The following NAALADL2 variants were observed in gnomAD, a reference collection of about 807,000 sequenced individuals.
NAALADL2 encodes the protein inactive N-acetylated-alpha-linked acidic dipeptidase-like protein 2.
A neutral mutation model predicts 87.2 loss-of-function variants in NAALADL2; 76 were observed. The ratio of observed to expected loss-of-function variants is 0.87; its 90% CI spans 0.72 to 1.05. NAALADL2 has a LOEUF of 1.05. Among genes scored for constraint, NAALADL2 ranks in the 50% least tolerant of loss-of-function variants. NAALADL2 has a pLI of 0.00. For missense variants in NAALADL2, 1,089 were observed against 945.8 expected, an observed-to-expected ratio of 1.15 and a Z score of -1.99; for synonymous variants, 354 against 331.0, an observed-to-expected ratio of 1.07 and a Z score of -0.75.
At chr3:174,999,514 C>T (rs1747951792) in intron 1 of NAALADL2, among the ~76,000 whole-genome samples, 1 of 152,090 alleles carries the variant, frequency 6.6e-6, no homozygotes, top group Non-Finnish European at 1.5e-5. Context: ...TTCATAAATC[C>T]ATCAGTTATT....
At chr3:174,755,127 A>G (rs960231288) in intron 3 of NAALADL2, among the ~76,000 whole-genome samples, 3 of 152,128 alleles carry the variant, frequency 2.0e-5, no homozygotes, top group African/African-American at 7.2e-5. Context: ...ATAGTGAGTG[A>G]ATTCTCATGA....
At chr3:174,559,846 C>G (rs1713366803) in intron 2 of NAALADL2, among the ~76,000 whole-genome samples, 1 of 152,156 alleles carries the variant, frequency 6.6e-6, no homozygotes, top group Non-Finnish European at 1.5e-5. Flanking sequence ...ATTAAGATTT[C>G]AAGGAATGAA....
chr3:175,297,951 A>C (rs1431663095), intron 4 of NAALADL2, among the ~76,000 whole-genome samples: 1 of 152,188 alleles, frequency 6.6e-6, no homozygotes, highest in Non-Finnish European at 1.5e-5. Flanking sequence ...TCCCATTGAA[A>C]AGTGGCTGAA....
At chr3:174,785,573 C>A (rs564031847) in intron 3 of NAALADL2, among the ~76,000 whole-genome samples, 1 of 152,208 alleles carries the variant, frequency 6.6e-6, no homozygotes, top group South Asian at 2.1e-4. Context: ...TTAGGTAATG[C>A]AATGTCTCTG....
intron 5 of NAALADL2, among the ~76,000 whole-genome samples, chr3:175,348,473 G>A (rs6807678): frequency 0.44 from 67,368 of 152,002 alleles, 15,500 homozygotes; most frequent in East Asian, 0.57. Flanking sequence ...TACTGGAAAA[G>A]TGTTCTCTCA....
intron 11 of NAALADL2, among the ~76,000 whole-genome samples, chr3:175,666,222 A>C (rs952131072): frequency 6.6e-6 from 1 of 152,114 alleles, no homozygotes; most frequent in Admixed American, 6.6e-5. Flanking sequence ...TTCAGAACTG[A>C]AGTAAATCTT....
At chr3:174,877,762 G>A (rs184122614) in intron 1 of NAALADL2, among the ~76,000 whole-genome samples, 20 of 152,218 alleles carry the variant, frequency 1.3e-4, no homozygotes, top group African/African-American at 3.4e-4. Context: ...ATGGATAGCA[G>A]CTAGAAATCA....
intron 2 of NAALADL2, among the ~76,000 whole-genome samples, chr3:174,660,065 A>G (rs984645457): frequency 6.6e-6 from 1 of 152,218 alleles, no homozygotes; most frequent in African/African-American, 2.4e-5. Context: ...AGACAATAGA[A>G]GAATGTGTGC....
intron 1 of NAALADL2, among the ~76,000 whole-genome samples, chr3:174,490,757 G>C (rs113857762): frequency 0.012 from 1,810 of 152,104 alleles, 30 homozygotes; most frequent in African/African-American, 0.04. Flanking sequence ...TTCAAAGAGC[G>C]CTCCTTTGAA....
At chr3:175,705,945 A>G (rs1041701439) in intron 11 of NAALADL2, among the ~76,000 whole-genome samples, 15 of 152,186 alleles carry the variant, frequency 9.9e-5, no homozygotes, top group African/African-American at 3.6e-4. Context: ...GAAAGGACAT[A>G]CCTTGGCAAA....
At chr3:174,661,122 C>G (rs1725461954) in intron 2 of NAALADL2, among the ~76,000 whole-genome samples, 1 of 152,074 alleles carries the variant, frequency 6.6e-6, no homozygotes. Context: ...CTAAATTGTT[C>G]ATTTGTTTGT....
At position 175,805,088 on chromosome 3, in the gene NAALADL2, G is replaced by T. The variant is rs1181263961; in HGVS notation, c.*1885G>T. ...AAAAGAGGTGGGAATACACAAGCAG[G>T]TGCATGTAAGCCCAAAAGCTAGAAA... On this transcript the variant is annotated 3_prime_UTR_variant, in exon 14 of 14. Coordinates refer to ENST00000454872, the MANE Select transcript of NAALADL2 (RefSeq NM_207015.3). The T allele has an allele frequency of 6.6e-6, 1 of 151,664 alleles. No homozygotes were observed. Among genetic ancestry groups the T allele is most frequent in the African/African-American group, 2.4e-5 (1 of 41,194 alleles). The allele number at this position is 151,664 out of a possible 1,614,324, so 9.4% of individuals were successfully genotyped here. A position where few individuals can be genotyped will look rare whatever the true frequency, so the allele number is the denominator to read the frequency against.
At chr3:174,443,996 ACTT>A (rs1714859510) in intron 1 of NAALADL2, among the ~76,000 whole-genome samples, 3 of 144,830 alleles carry the variant, frequency 2.1e-5, no homozygotes, top group Admixed American at 6.8e-5. Flanking sequence ...GGTATACATC[ACTT>A]GAATATTTTT....
chr3:175,511,087 C>T (rs1731089318), intron 9 of NAALADL2, among the ~76,000 whole-genome samples: 1 of 152,076 alleles, frequency 6.6e-6, no homozygotes, highest in African/African-American at 2.4e-5. Context: ...GGCAATATCA[C>T]AGATGATAGT....
chr3:174,682,363 G>A (rs1000923507), intron 2 of NAALADL2, among the ~76,000 whole-genome samples: 2 of 152,144 alleles, frequency 1.3e-5, no homozygotes, highest in African/African-American at 4.8e-5. Flanking sequence ...AAGCCTGTCT[G>A]GCTTTGCCAT....
chr3:174,744,316 A>C (rs566809010), intron 3 of NAALADL2, among the ~76,000 whole-genome samples: 3 of 152,042 alleles, frequency 2.0e-5, no homozygotes, highest in Non-Finnish European at 2.9e-5. Flanking sequence ...TATGAGACTC[A>C]AGCAGCCATT....
At chr3:175,746,565 G>C (rs956955009) in intron 12 of NAALADL2, among the ~76,000 whole-genome samples, 6 of 152,096 alleles carry the variant, frequency 3.9e-5, no homozygotes, top group Admixed American at 3.3e-4. Context: ...AGAAGTCCAA[G>C]GCAGCCTGAC....
intron 2 of NAALADL2, among the ~76,000 whole-genome samples, chr3:174,682,486 G>A (rs1727639596): frequency 2.0e-5 from 3 of 152,172 alleles, no homozygotes; most frequent in Admixed American, 2.0e-4. Context: ...ATGACACAGT[G>A]CAGTCCCAGT....
intron 2 of NAALADL2, among the ~76,000 whole-genome samples, chr3:174,580,560 G>A (rs1261132586): frequency 6.6e-6 from 1 of 151,972 alleles, no homozygotes; most frequent in Non-Finnish European, 1.5e-5. Context: ...ATCACTTCCT[G>A]TGCCACCTTT....
Sources: allele counts gnomAD v4.1 joint callset (sites outside exome capture counted in the v4.1 genomes callset), GRCh38; gene constraint gnomAD v4.1.1; transcripts MANE v1.5; gene names NCBI Gene and HGNC (gene_info 2026-07-23, HGNC 2026-07-21).